The following EXPH5 variants were observed in gnomAD, a reference collection of about 807,000 sequenced individuals.
EXPH5 encodes the protein exophilin-5.
Under a neutral mutation model 41.1 loss-of-function variants are expected in EXPH5, and 42 were observed. The observed-to-expected ratio is 1.02, with a 90% CI of 0.80 to 1.32. The LOEUF (loss-of-function observed/expected upper bound fraction) is 1.32. Among genes scored for constraint, EXPH5 ranks in the 40% most tolerant of loss-of-function variants. The pLI is 0.00. For missense variants in EXPH5, 2,298 were observed against 2,314.5 expected (o/e 0.99, Z 0.15); for synonymous variants, 798 against 833.5 (o/e 0.96, Z 0.73).
chr11:108,573,772 C>G (rs1955658090), intron 1 of EXPH5, among the ~76,000 whole-genome samples: 1 of 152,190 alleles, frequency 6.6e-6, no homozygotes, highest in Non-Finnish European at 1.5e-5. Flanking sequence ...ACTCTAATCT[C>G]TAGATGAGAA....
At chr11:108,565,516 G>T (rs2094030793) in intron 1 of EXPH5, among the ~76,000 whole-genome samples, 1 of 152,096 alleles carries the variant, frequency 6.6e-6, no homozygotes, top group African/African-American at 2.4e-5. Context: ...ACAAAGAGAG[G>T]AATAATGTGG....
At chr11:108,542,605 A>G (rs1412202199) in intron 1 of EXPH5, among the ~76,000 whole-genome samples, 1 of 152,234 alleles carries the variant, frequency 6.6e-6, no homozygotes, top group Non-Finnish European at 1.5e-5. Flanking sequence ...GGGCCCAGGT[A>G]GGCAATGGAT....
chr11:108,526,985 T>C (rs1351113522), intron 4 of EXPH5, among the ~76,000 whole-genome samples: 1 of 151,968 alleles, frequency 6.6e-6, no homozygotes, highest in Non-Finnish European at 1.5e-5. Context: ...AGGAGAAAAA[T>C]AGGGCTCAGT....
intron 1 of EXPH5, among the ~76,000 whole-genome samples, chr11:108,560,976 T>C (rs527305793): frequency 1.3e-4 from 20 of 152,218 alleles, no homozygotes; most frequent in Non-Finnish European, 2.6e-4. Flanking sequence ...GAAATCTTAA[T>C]GAGTTTTTGG....
intron 1 of EXPH5, among the ~76,000 whole-genome samples, chr11:108,571,981 C>A (rs555951864): frequency 6.6e-6 from 1 of 151,214 alleles, no homozygotes; most frequent in African/African-American, 2.4e-5. Context: ...ACCCGGGAGG[C>A]GGAGCTTGCA....
intron 1 of EXPH5, among the ~76,000 whole-genome samples, chr11:108,561,940 G>A (rs1003599224): frequency 6.6e-6 from 1 of 152,128 alleles, no homozygotes; most frequent in African/African-American, 2.4e-5. Flanking sequence ...ACAAGCCTGT[G>A]GTTACTAGCC....
In EXPH5 at chr11:108,512,668, C is replaced by A; in HGVS notation, c.2839G>T (p.Asp947Tyr). The change falls in exon 6 of 6, where the codon GAT (aspartate) becomes TAT (tyrosine). Residue 947 changes from aspartate to tyrosine, a missense_variant. By Grantham distance (160) the Asp-to-Tyr change is radical. Transcript: ENST00000265843. ...VSHSENQERN[D>Y]SPVPTHDEVV... ...TCATCATGTGTAGGCACAGGACTAT[C>A]ATTTCTCTCTTGGTTTTCTGAGTGG... 2 of 1,614,112 alleles carry A rather than the reference C, an allele frequency of 1.2e-6. No individual in the cohort carries two copies. Among genetic ancestry groups the A allele is most frequent in the Non-Finnish European group, 8.5e-7 (1 of 1,180,006 alleles).
chr11:108,583,902 T>G (rs745981136), intron 1 of EXPH5, among the ~76,000 whole-genome samples: 1 of 152,076 alleles, frequency 6.6e-6, no homozygotes, highest in Non-Finnish European at 1.5e-5. Context: ...TGATTGGCCA[T>G]GTAGAAAATC....
chr11:108,532,181 ATTT>A (rs553845370), intron 3 of EXPH5, among the ~76,000 whole-genome samples: 1 of 137,590 alleles, frequency 7.3e-6, no homozygotes. Flanking sequence ...GCCATAGAGA[ATTT>A]TTTTTTTTTT....
At chr11:108,596,281 T>C (rs1305682087), upstream of EXPH5, among the ~76,000 whole-genome samples, 1 of 151,874 alleles carries the variant, frequency 6.6e-6, no homozygotes, top group Non-Finnish European at 1.5e-5. Context: ...AACCATTGTG[T>C]TGGAATGCTG....
In EXPH5 at chr11:108,529,310, C is replaced by T. The variant is rs544093857; in HGVS notation, c.444-1126G>A. Among the ~76,000 whole-genome samples the T allele has an allele frequency of 8.5e-5, 13 of 152,132 alleles. No individual in the cohort carries two copies. The East Asian group carries it at 2.3e-3, about 27-fold the overall frequency. On this transcript the variant is annotated intron_variant, in intron 3 of 5. Coordinates refer to ENST00000265843, the MANE Select transcript of EXPH5 (RefSeq NM_015065.3). The stretch of plus-strand genomic sequence containing the variant: ...GAAGGTGACAAATTTAAGGCCTAGG[C>T]CCAGAATTGAGATAAATTTTAATCT...
chr11:108,509,673 A>C lies in EXPH5; in HGVS notation c.5834T>G (p.Val1945Gly). The C allele has an allele frequency of 6.2e-7, 1 of 1,613,974 alleles. No individual in the cohort carries two copies. The part of the protein sequence containing the change: ...SLSSNSPSSQ[V>G]PEDGLSPSEP... ...ACTTGGAGATAAGCCATCTTCTGGC[A>C]CCTGACTACTGGGAGAATTTGAGCT... The change falls in exon 6 of 6, where the codon GTG becomes GGG. Residue 1945 changes from valine to glycine, a missense_variant. By Grantham distance (109) the Val-to-Gly change is moderately radical (BLOSUM62 -3). Coordinates refer to ENST00000265843, the MANE Select transcript of EXPH5 (RefSeq NM_015065.3).
chr11:108,539,278 C>A, intron 2 of EXPH5, 92 bp from the exon 3 acceptor site: 1 of 964,972 alleles, frequency 1.0e-6, no homozygotes. Context: ...TCACTTTCTC[C>A]CTCTTATGCA....
At chr11:108,584,938 A>G (rs1037358931) in intron 1 of EXPH5, among the ~76,000 whole-genome samples, 1 of 152,236 alleles carries the variant, frequency 6.6e-6, no homozygotes, top group Middle Eastern at 3.2e-3. Context: ...TTTACTCCAC[A>G]AAGACACAGT....
chr11:108,562,305 AC>A (rs1160829376), intron 1 of EXPH5, among the ~76,000 whole-genome samples: 2 of 133,254 alleles, frequency 1.5e-5, no homozygotes, highest in Middle Eastern at 4.3e-3. Flanking sequence ...AAGTAAAATT[AC>A]ATCAGGCCGG....
chr11:108,552,655 T>A (rs114826042), intron 1 of EXPH5, among the ~76,000 whole-genome samples: 2,332 of 152,336 alleles, frequency 0.015, 53 homozygotes, highest in African/African-American at 0.05. Flanking sequence ...GTAGCTCATG[T>A]CTGTAATCCC....
intron 3 of EXPH5, chr11:108,538,034 C>G: frequency 1.0e-6 from 1 of 985,406 alleles, no homozygotes; most frequent in Non-Finnish European, 1.2e-6. Flanking sequence ...GTGGTCTGCT[C>G]TTTCTTTCAT....
chr11:108,570,769 C>T (rs1405642029), intron 1 of EXPH5, among the ~76,000 whole-genome samples: 2 of 152,212 alleles, frequency 1.3e-5, no homozygotes, highest in African/African-American at 4.8e-5. Context: ...TGGTCTTGAA[C>T]TCCTGGCTTC....
chr11:108,575,929 T>C (rs904207271), intron 1 of EXPH5, among the ~76,000 whole-genome samples: 5 of 152,190 alleles, frequency 3.3e-5, no homozygotes, highest in Non-Finnish European at 4.4e-5. Flanking sequence ...ACCACTGCAC[T>C]CCAGCCTGGG....
Sources: allele counts gnomAD v4.1 joint callset (sites outside exome capture counted in the v4.1 genomes callset), GRCh38; gene constraint gnomAD v4.1.1; transcripts MANE v1.5; gene names NCBI Gene and HGNC (gene_info 2026-07-23, HGNC 2026-07-21).